Variants in PPIP5K2 observed in about 807,000 individuals in gnomAD.
PPIP5K2 encodes diphosphoinositol pentakisphosphate kinase 2.
Under a neutral mutation model 154.6 loss-of-function variants are expected in PPIP5K2, and 105 were observed. The ratio of observed to expected loss-of-function variants is 0.68; its 90% confidence interval spans 0.58 to 0.80. PPIP5K2 has a LOEUF of 0.80. Ranked by LOEUF, PPIP5K2 falls within the 30% of genes least tolerant of loss-of-function variation. The pLI is 0.00. For synonymous variants in PPIP5K2, 480 were observed against 490.3 expected (o/e 0.98, Z 0.28); for missense variants, 992 against 1,504.6 (o/e 0.66, Z 5.64).
intron 19 of PPIP5K2, among the ~76,000 whole-genome samples, chr5:103,171,181 A>T (rs1330692930): frequency 6.6e-6 from 1 of 151,602 alleles, no homozygotes. Flanking sequence ...ATGCTACAAT[A>T]GAATCAAATT....
chr5:103,144,713 T>C (rs148372690), intron 5 of PPIP5K2, among the ~76,000 whole-genome samples: 2 of 152,144 alleles, frequency 1.3e-5, no homozygotes. Context: ...AAACTTGATA[T>C]CTATATCCAG....
At chr5:103,138,572 A>G (rs1208855380) in intron 5 of PPIP5K2, 103 bp downstream of exon 5, 9 of 607,260 alleles carry the variant, frequency 1.5e-5, no homozygotes, top group Middle Eastern at 3.2e-4. Context: ...AATTCATAGT[A>G]TTCTATTCCA....
At chr5:103,189,123 A>G (rs1554226063) in intron 28 of PPIP5K2, 7 of 1,409,252 alleles carry the variant, frequency 5.0e-6, no homozygotes, top group Non-Finnish European at 5.8e-6. Flanking sequence ...TGAAACAAGT[A>G]TCTTCTGACA....
At chr5:103,139,038 G>T (rs1792077601) in intron 5 of PPIP5K2, among the ~76,000 whole-genome samples, 1 of 152,174 alleles carries the variant, frequency 6.6e-6, no homozygotes, top group Non-Finnish European at 1.5e-5. Flanking sequence ...GGTATACGAG[G>T]GGGTTCCTGG....
intron 2 of PPIP5K2, 101 bp from the exon 3 acceptor site, chr5:103,133,352 T>C: frequency 1.2e-6 from 1 of 831,584 alleles, no homozygotes; most frequent in Non-Finnish European, 1.8e-6. Context: ...CTTTTATTTA[T>C]TAATCACATG....
At position 103,146,697 on chromosome 5, in the gene PPIP5K2, CTT is replaced by C. The variant is rs781849480; in HGVS notation, c.642+19_642+20del. 5.0e-6 allele frequency: 8 copies of C among 1,585,588 alleles called. No individual in the cohort carries two copies. In the South Asian group the frequency reaches 7.9e-5, roughly 16 times the overall value. On this transcript the variant is annotated intron_variant, in intron 6 of 30. Coordinates refer to ENST00000358359, the MANE Select transcript of PPIP5K2 (RefSeq NM_001276277.3). ...CTTTAGAAAGGTAACACCTTTGTAA[CTT>C]TTGTATGAATACTCTTCTTTGTACA...
chr5:103,152,995 AC>A lies in PPIP5K2; in HGVS notation c.1130+248del, dbSNP rs577512990. On this transcript the variant is annotated intron_variant, in intron 10 of 30. Transcript: ENST00000358359. The stretch of plus-strand genomic sequence containing the variant: ...ATCAAGCCATAAAAATAAAAAAGGT[AC>A]CAATAGGAATGTTACTTAAAGGTTC... 3.9e-3 allele frequency among the ~76,000 whole-genome samples: 588 copies of A among 151,982 alleles called. 2 individuals are homozygous for A. Among genetic ancestry groups the A allele is most frequent in the African/African-American group, 0.013 (553 of 41,554 alleles).
chr5:103,171,120 T>C (rs1797917677), intron 19 of PPIP5K2, among the ~76,000 whole-genome samples: 1 of 151,520 alleles, frequency 6.6e-6, no homozygotes, highest in South Asian at 2.1e-4. Context: ...AAATGATGCA[T>C]ATGGTCTATT....
At chr5:103,150,466 G>C (rs1259090883) in intron 8 of PPIP5K2, among the ~76,000 whole-genome samples, 1 of 152,058 alleles carries the variant, frequency 6.6e-6, no homozygotes, top group Middle Eastern at 3.2e-3. Context: ...TGTGGTATTA[G>C]GGGTTTAAAA....
intron 30 of PPIP5K2, among the ~76,000 whole-genome samples, chr5:103,199,174 G>T (rs1802582371): frequency 6.6e-6 from 1 of 152,020 alleles, no homozygotes; most frequent in African/African-American, 2.4e-5. Context: ...ACAGTCATAT[G>T]TATTTTAAAG....
intron 17 of PPIP5K2, among the ~76,000 whole-genome samples, chr5:103,165,450 C>CT (rs143881102): frequency 6.6e-6 from 1 of 151,804 alleles, no homozygotes; most frequent in African/African-American, 2.4e-5. Flanking sequence ...CAAATTTCAA[C>CT]TTTTTTTTAC....
intron 30 of PPIP5K2, among the ~76,000 whole-genome samples, chr5:103,200,618 A>T (rs1395505720): frequency 8.7e-6 from 1 of 115,014 alleles, no homozygotes; most frequent in Non-Finnish European, 1.6e-5. Context: ...TTTTTATTTT[A>T]TTTATTTATT....
At chr5:103,125,252 C>T (rs543467743) in intron 1 of PPIP5K2, among the ~76,000 whole-genome samples, 5 of 152,220 alleles carry the variant, frequency 3.3e-5, no homozygotes, top group African/African-American at 9.6e-5. Flanking sequence ...ATAGCCTAGA[C>T]GTTGGGATAC....
chr5:103,189,513 T>C (rs1230619859), intron 28 of PPIP5K2, among the ~76,000 whole-genome samples: 2 of 152,140 alleles, frequency 1.3e-5, no homozygotes, highest in African/African-American at 4.8e-5. Context: ...TGCATGAATC[T>C]TGTACTTCTA....
At position 103,183,324 on chromosome 5, in the gene PPIP5K2, A is replaced by G; in HGVS notation, c.3013A>G (p.Arg1005Gly). 6.2e-7 allele frequency: 1 copy of G among 1,607,374 alleles called. No homozygotes were observed. The highest frequency in any genetic ancestry group is 8.5e-7 in the Non-Finnish European group (1 of 1,177,802). The change falls in exon 25 of 31, where the codon AGA becomes GGA. Residue 1005 changes from arginine to glycine, a missense_variant. By Grantham distance (125) the Arg-to-Gly change is moderately radical. Around this residue, in one of 9 missense-constraint regions of PPIP5K2, gnomAD observed 204 missense variants for 224.0 expected, o/e 0.91. Transcript: ENST00000358359. ...TGTGGGTACTGGGCGTCGAAGACGCAGATCAGGGGAACAAATCACTTCTTC... is the reference window on the plus strand; with the variant it reads ...TGTGGGTACTGGGCGTCGAAGACGCGGATCAGGGGAACAAATCACTTCTTC... ...SGVGTGRRRR[R>G]SGEQITSSPV...
rs782521524 is a variant in PPIP5K2, at chr5:103,186,453, T to C, written c.3289+14T>C. The C allele has an allele frequency of 3.1e-5, 50 of 1,613,590 alleles. No homozygotes were observed. Among genetic ancestry groups the C allele is most frequent in the Non-Finnish European group, 4.2e-5 (50 of 1,179,688 alleles). On this transcript the variant is annotated intron_variant, in intron 27 of 30. Coordinates refer to ENST00000358359, the MANE Select transcript of PPIP5K2 (RefSeq NM_001276277.3). ...GCTGCATAGATGGTATGTGCACACA[T>C]GCACACACAGATTCATACCTACACC...
chr5:103,134,823 T>A (rs1452865640), intron 3 of PPIP5K2, among the ~76,000 whole-genome samples: 1 of 152,184 alleles, frequency 6.6e-6, no homozygotes, highest in East Asian at 1.9e-4. Context: ...CATTGAGACA[T>A]CTTTACAAGC....
At chr5:103,144,539 A>G (rs1793414694) in intron 5 of PPIP5K2, among the ~76,000 whole-genome samples, 1 of 152,192 alleles carries the variant, frequency 6.6e-6, no homozygotes, top group Non-Finnish European at 1.5e-5. Context: ...CTGCTAAGCT[A>G]TAGTAACCAA....
chr5:103,201,850 T>G lies in PPIP5K2; in HGVS notation c.*216T>G, dbSNP rs1803075639. 4.1e-6 allele frequency: 2 copies of G among 483,078 alleles called. No individual in the cohort carries two copies. Among genetic ancestry groups the G allele is most frequent in the Non-Finnish European group, 3.7e-6 (1 of 268,978 alleles). 29.9% of individuals were successfully genotyped at this position (483,078 alleles called of 1,614,324 possible). A position where few individuals can be genotyped will look rare whatever the true frequency, so the allele number is the denominator to read the frequency against. The stretch of plus-strand genomic sequence containing the variant: ...AAAACTTATAGTGATAAAAATCGAT[T>G]GTTGTTAATATGATGTTTACCATGT... On this transcript the variant is annotated 3_prime_UTR_variant, in exon 31 of 31. Coordinates refer to ENST00000358359, the MANE Select transcript of PPIP5K2 (RefSeq NM_001276277.3).
Sources: gnomAD v4.1 joint callset for allele counts (sites outside exome capture counted in the v4.1 genomes callset) on GRCh38, gnomAD v4.1.1 for gene constraint, gnomAD v4.1.1 regional missense constraint, MANE v1.5 for transcripts, NCBI Gene and HGNC (gene_info 2026-07-23, HGNC 2026-07-21) for gene names.